Variants in SLA2 observed in about 807,000 individuals in gnomAD.
SLA2 encodes src-like-adapter 2.
SLA2 carries 22 observed loss-of-function variants against 27.3 expected under a neutral mutation model. That is an observed-to-expected ratio of 0.81 (90% CI 0.58 to 1.15). The LOEUF is 1.15. Ranked by LOEUF, SLA2 falls within the 50% of genes most tolerant of loss-of-function variation. The pLI is 0.00. For synonymous variants in SLA2, 131 were observed against 137.8 expected (o/e 0.95, Z 0.34); for missense variants, 304 against 322.2 (o/e 0.94, Z 0.43).
chr20:36,614,382 AGCCCTCTG>A lies in SLA2; in HGVS notation c.580_587del (p.Gln194TrpfsTer32). 3 of 1,614,030 alleles carry A rather than the reference AGCCCTCTG, an allele frequency of 1.9e-6. No homozygotes were observed. The highest frequency in any genetic ancestry group is 2.5e-6 in the Non-Finnish European group (3 of 1,179,970). ...GTATATCCTTGCCAGGGAGCGGGCC[AGCCCTCTG>A]CAGGACACAGGGCTCCTTGAGTAGG... is the stretch of plus-strand genomic sequence containing the variant. On this transcript the variant is annotated frameshift_variant, in exon 7 of 8. Coordinates refer to ENST00000262866, the MANE Select transcript of SLA2 (RefSeq NM_032214.4). LOFTEE classifies it high-confidence loss of function.
intron 5 of SLA2, among the ~76,000 whole-genome samples, chr20:36,619,795 T>G (rs531291176): frequency 0.01 from 250 of 24,402 alleles, 3 homozygotes; most frequent in Admixed American, 0.084. Context: ...CACACGTGGC[T>G]ATTTTTTTTT....
Position 36,621,257 on chromosome 20 carries a change from C to G in SLA2, c.383-5883G>C, listed in dbSNP as rs116760140. 5,493 of 573,884 alleles carry G rather than the reference C, an allele frequency of 9.6e-3. 240 individuals carry two copies. The highest frequency in any genetic ancestry group is 0.091 in the African/African-American group (4,850 of 53,212). The allele number at this position is 573,884 out of a possible 1,614,324, so 35.5% of individuals were successfully genotyped here. ...GGAAATTTTGGCGCTGGTAACTATGCTGGTGATGGGAACTATAATGATTTT... is the reference window on the plus strand; with the variant it reads ...GGAAATTTTGGCGCTGGTAACTATGGTGGTGATGGGAACTATAATGATTTT... On this transcript the variant is annotated intron_variant, in intron 5 of 7. Transcript: ENST00000262866.
chr20:36,624,747 A>G (rs923210940), intron 5 of SLA2, among the ~76,000 whole-genome samples: 7 of 152,218 alleles, frequency 4.6e-5, no homozygotes, highest in Middle Eastern at 3.2e-3. Flanking sequence ...CAGCAAACAC[A>G]TATTGAGCAT....
At chr20:36,641,651 T>C (rs1385702481) in intron 1 of SLA2, among the ~76,000 whole-genome samples, 1 of 152,090 alleles carries the variant, frequency 6.6e-6, no homozygotes, top group Non-Finnish European at 1.5e-5. Context: ...AGTCATGCCC[T>C]CTCCTCTCCT....
intron 5 of SLA2, chr20:36,621,378 T>C (rs1439736301): frequency 1.9e-5 from 11 of 593,672 alleles, no homozygotes; most frequent in Admixed American, 9.6e-5. Context: ...GTGGTGCTTA[T>C]GGATGTGGTG....
At chr20:36,621,449 TG>T in intron 5 of SLA2, 3 of 483,128 alleles carry the variant, frequency 6.2e-6, no homozygotes, top group South Asian at 5.0e-5. Flanking sequence ...GCTATAGTGT[TG>T]TTTTTTTTTT....
At chr20:36,641,492 C>CAGCCT in intron 1 of SLA2, 114 bp from the exon 2 acceptor site, 1 of 580,708 alleles carries the variant, frequency 1.7e-6, no homozygotes, top group South Asian at 2.0e-5. Flanking sequence ...GAATGACCTC[C>CAGCCT]CTCCTGTGGG....
In SLA2 at chr20:36,636,427, CAA is replaced by C. The variant is rs71186007; in HGVS notation, c.92-1840_92-1839del. Among the ~76,000 whole-genome samples, 25 of 61,428 alleles carry C rather than the reference CAA, an allele frequency of 4.1e-4. 1 individual carries two copies. The highest frequency in any genetic ancestry group is 1.5e-3 in the African/African-American group (22 of 14,378). 40.3% of individuals were successfully genotyped at this position (61,428 alleles called of 152,430 possible). A position where few individuals can be genotyped will look rare whatever the true frequency, so the allele number is the denominator to read the frequency against. On this transcript the variant is annotated intron_variant, in intron 2 of 7. Coordinates refer to ENST00000262866, the MANE Select transcript of SLA2 (RefSeq NM_032214.4). ...TGGGCGACAGAGCAAGACTCCGTCT[CAA>C]AAAAAAAAAAAAAAAAAAATACAAA...
In SLA2 at chr20:36,614,433, C is replaced by T; in HGVS notation, c.537G>A (p.Leu179=). 1 of 1,607,062 alleles carries T rather than the reference C, an allele frequency of 6.2e-7. No homozygotes were observed. The highest frequency in any genetic ancestry group is 8.5e-7 in the Non-Finnish European group (1 of 1,176,174). ...LQALVDHYSE[L]ADDICCLLKE... is the part of the protein sequence containing the mutation. ...TGAGTAGGCAGCAGATGTCATCCGC[C>T]AGCTCTGAGGAAGAGACCTCCATCC... Residue 179 remains leucine, a synonymous_variant, in exon 7 of 8, where the codon CTG becomes CTA. Transcript: ENST00000262866.
intron 6 of SLA2, chr20:36,614,818 C>T (rs987597749): frequency 8.1e-6 from 8 of 985,260 alleles, no homozygotes; most frequent in Non-Finnish European, 8.4e-6. Flanking sequence ...CCTCTCTGCC[C>T]CCTGACGCTG....
chr20:36,641,150 A>C, intron 2 of SLA2, 95 bp downstream of exon 2: 8 of 1,035,688 alleles, frequency 7.7e-6, no homozygotes, highest in Non-Finnish European at 1.2e-5. Context: ...CGGTGCTTAC[A>C]CTGTGTTGGA....
chr20:36,639,039 T>C (rs1243687616), intron 2 of SLA2, among the ~76,000 whole-genome samples: 5 of 151,986 alleles, frequency 3.3e-5, no homozygotes, highest in Non-Finnish European at 7.4e-5. Flanking sequence ...AGAGATGGGG[T>C]TTCACCATGT....
chr20:36,621,157 G>T (rs1048157137), intron 5 of SLA2: 2 of 440,144 alleles, frequency 4.5e-6, no homozygotes, highest in Non-Finnish European at 9.0e-6. Context: ...CTGCTGTGGT[G>T]GTGGAGCAAG....
At chr20:36,628,849 C>T (rs1048161213) in intron 5 of SLA2, among the ~76,000 whole-genome samples, 3 of 151,962 alleles carry the variant, frequency 2.0e-5, no homozygotes, top group African/African-American at 7.3e-5. Context: ...AGACACTGCA[C>T]CTGGCCCCTA....
At chr20:36,616,314 T>A (rs2039209690) in intron 5 of SLA2, among the ~76,000 whole-genome samples, 2 of 151,964 alleles carry the variant, frequency 1.3e-5, no homozygotes, top group African/African-American at 4.8e-5. Context: ...TTTCATTTTT[T>A]TTTTTTATTT....
chr20:36,619,795 TA>T (rs1568602119), intron 5 of SLA2, among the ~76,000 whole-genome samples: 1 of 24,390 alleles, frequency 4.1e-5, no homozygotes, highest in African/African-American at 2.1e-4. Context: ...CACACGTGGC[TA>T]TTTTTTTTTG....
chr20:36,622,908 CATT>C (rs756260133), intron 5 of SLA2, among the ~76,000 whole-genome samples: 2 of 152,160 alleles, frequency 1.3e-5, no homozygotes, highest in Non-Finnish European at 2.9e-5. Context: ...AGGACCTGAA[CATT>C]GTTGGGGGGG....
intron 2 of SLA2, among the ~76,000 whole-genome samples, chr20:36,640,447 T>C (rs986789923): frequency 6.6e-6 from 1 of 151,510 alleles, no homozygotes; most frequent in Admixed American, 6.6e-5. Flanking sequence ...TCTAACAAGG[T>C]GGTCACTTAC....
chr20:36,629,134 T>G (rs111729158), intron 5 of SLA2, among the ~76,000 whole-genome samples: 10,436 of 150,722 alleles, frequency 0.069, 659 homozygotes, highest in African/African-American at 0.17. Flanking sequence ...TGCGATCTCG[T>G]CTCACTGCAA....
Sources: allele counts gnomAD v4.1 joint callset (sites outside exome capture counted in the v4.1 genomes callset), GRCh38; gene constraint gnomAD v4.1.1; transcripts MANE v1.5; gene names NCBI Gene and HGNC (gene_info 2026-07-23, HGNC 2026-07-21).